Variants in IQCJ observed in about 807,000 individuals in gnomAD.
IQCJ encodes the protein IQ motif containing J, also known as IQ domain-containing protein J.
A neutral mutation model predicts 11.0 loss-of-function variants in IQCJ; 9 were observed. That is an observed-to-expected ratio of 0.82 (90% CI 0.49 to 1.43). The LOEUF is 1.43. Among genes scored for constraint, IQCJ ranks in the 40% most tolerant of loss-of-function variants. The probability of loss-of-function intolerance (pLI) is 0.00; values close to 1 mark genes in which losing one functional copy is unlikely to be tolerated. For synonymous variants in IQCJ, 55 were observed against 51.3 expected, an observed-to-expected ratio of 1.07 and a Z score of -0.31; for missense variants, 146 against 133.2, an observed-to-expected ratio of 1.10 and a Z score of -0.47.
chr3:159,126,605 A>G (rs777390563), intron 1 of IQCJ, among the ~76,000 whole-genome samples: 2 of 152,216 alleles, frequency 1.3e-5, no homozygotes, highest in Non-Finnish European at 2.9e-5. Context: ...AATTTAACTG[A>G]ACTGAATTAA....
intron 1 of IQCJ, among the ~76,000 whole-genome samples, chr3:159,079,194 GC>G (rs1438883010): frequency 6.6e-6 from 1 of 152,098 alleles, no homozygotes; most frequent in Admixed American, 6.6e-5. Flanking sequence ...CATTGTGGGG[GC>G]TTGGGCATTT....
chr3:159,246,679 G>A (rs1394836431), intron 2 of IQCJ, among the ~76,000 whole-genome samples: 1 of 152,104 alleles, frequency 6.6e-6, no homozygotes, highest in Non-Finnish European at 1.5e-5. Flanking sequence ...TATTAGAAGA[G>A]GTCAATTAAA....
At chr3:159,080,430 A>C (rs1280725497) in intron 1 of IQCJ, among the ~76,000 whole-genome samples, 4 of 152,072 alleles carry the variant, frequency 2.6e-5, no homozygotes, top group Non-Finnish European at 5.9e-5. Context: ...CCACCACACT[A>C]GGCTTCACAG....
At chr3:159,265,903 G>T (rs1276934044), downstream of IQCJ, 2 of 153,042 alleles carry the variant, frequency 1.3e-5, no homozygotes, top group Non-Finnish European at 2.9e-5. Context: ...GTTCCTGTGT[G>T]GAGCTGATAA....
intron 1 of IQCJ, among the ~76,000 whole-genome samples, chr3:159,157,889 T>C (rs1339634790): frequency 1.3e-5 from 2 of 152,160 alleles, no homozygotes; most frequent in Non-Finnish European, 2.9e-5. Context: ...CCTTATTCTT[T>C]GTGTAGATCC....
At position 159,077,348 on chromosome 3, in the gene IQCJ, T is replaced by A. The variant is rs373389789; in HGVS notation, c.9+7907T>A. ...TCCCTTTTGACCTATCAATTTTACTTATAAGAATTTTTCTACAGGTGAGCT... is the reference window on the plus strand; with the variant it reads ...TCCCTTTTGACCTATCAATTTTACTAATAAGAATTTTTCTACAGGTGAGCT... On this transcript the variant is annotated intron_variant, in intron 1 of 3. Coordinates refer to ENST00000397832, the MANE Select transcript of IQCJ (RefSeq NM_001042706.3). 4.6e-5 allele frequency among the ~76,000 whole-genome samples: 7 copies of A among 152,300 alleles called. No homozygotes were observed. The East Asian group carries it at 1.4e-3, about 29-fold the overall frequency.
chr3:159,216,640 G>A (rs1329941441), intron 1 of IQCJ, among the ~76,000 whole-genome samples: 6 of 152,120 alleles, frequency 3.9e-5, no homozygotes, highest in East Asian at 3.9e-4. Context: ...TCTGTTCAGC[G>A]GGATATTTTT....
downstream of IQCJ, chr3:159,265,068 A>T (rs1395905531): frequency 1.0e-5 from 6 of 576,160 alleles, no homozygotes. Context: ...AAAAAATAAA[A>T]TATGAAAATA....
chr3:159,205,015 A>G (rs1724566908), intron 1 of IQCJ, among the ~76,000 whole-genome samples: 1 of 152,150 alleles, frequency 6.6e-6, no homozygotes, highest in Non-Finnish European at 1.5e-5. Flanking sequence ...CTGGTCTCAC[A>G]TGTTTGTTTC....
intron 3 of IQCJ, among the ~76,000 whole-genome samples, chr3:159,257,854 T>C (rs1277470322): frequency 6.6e-6 from 1 of 152,114 alleles, no homozygotes; most frequent in Non-Finnish European, 1.5e-5. Context: ...ATTTCTGCCT[T>C]TTGCTGAACC....
intron 1 of IQCJ, among the ~76,000 whole-genome samples, chr3:159,194,993 C>A (rs1723901722): frequency 6.6e-6 from 1 of 152,122 alleles, no homozygotes; most frequent in Non-Finnish European, 1.5e-5. Flanking sequence ...AGCCTGTAAT[C>A]CCAGCTACCC....
chr3:159,178,132 T>C (rs1177589838), intron 1 of IQCJ, among the ~76,000 whole-genome samples: 2 of 152,226 alleles, frequency 1.3e-5, no homozygotes, highest in Non-Finnish European at 2.9e-5. Flanking sequence ...TACCACATAG[T>C]AGAAACTTTT....
rs558785142 is a variant in IQCJ at position 159,252,401 on chromosome 3, A to T, written c.75-326A>T. 3.3e-5 allele frequency among the ~76,000 whole-genome samples: 5 copies of T among 152,202 alleles called. No homozygotes were observed. The South Asian group carries it at 1.0e-3, about 32-fold the overall frequency. On this transcript the variant is annotated intron_variant, in intron 2 of 3. Transcript: ENST00000397832. ...CTAGTTGGCCAGTATCATGGAATTT[A>T]TAACCATATCCTTGTGTTTTTTCTC... is the stretch of plus-strand genomic sequence containing the variant.
intron 1 of IQCJ, among the ~76,000 whole-genome samples, chr3:159,188,170 G>A (rs942679421): frequency 2.6e-5 from 4 of 152,178 alleles, no homozygotes; most frequent in Admixed American, 1.3e-4. Flanking sequence ...CAGCACTTTG[G>A]GAGGTCGAGG....
intron 1 of IQCJ, among the ~76,000 whole-genome samples, chr3:159,233,832 T>G (rs1002582723): frequency 4.6e-5 from 7 of 152,218 alleles, no homozygotes; most frequent in African/African-American, 1.4e-4. Context: ...TATGTTATTT[T>G]AGTTAATCCC....
intron 1 of IQCJ, among the ~76,000 whole-genome samples, chr3:159,129,004 TA>T (rs1360084927): frequency 6.6e-6 from 1 of 152,106 alleles, no homozygotes; most frequent in African/African-American, 2.4e-5. Context: ...TATCCACTGC[TA>T]AAAACAACCA....
Position 159,161,072 on chromosome 3 carries a change from A to G in IQCJ, c.10-84771A>G, listed in dbSNP as rs576154452. Among the ~76,000 whole-genome samples, 5 of 152,262 alleles carry G rather than the reference A, an allele frequency of 3.3e-5. No individual in the cohort carries two copies. The East Asian group carries it at 9.6e-4, about 29-fold the overall frequency. On this transcript the variant is annotated intron_variant, in intron 1 of 3. Transcript: ENST00000397832. ...AGTAATGGGATGGCTAGGTCAAATG[A>G]TATTTCTAGTTCTAGATCCCTGAGG...
chr3:159,246,760 T>C (rs1278101019), intron 2 of IQCJ, among the ~76,000 whole-genome samples: 2 of 152,100 alleles, frequency 1.3e-5, no homozygotes, highest in African/African-American at 4.8e-5. Flanking sequence ...AGAAAAGAAG[T>C]CTCAGAAGAA....
chr3:159,236,290 A>C (rs1000584103), intron 1 of IQCJ, among the ~76,000 whole-genome samples: 3 of 151,522 alleles, frequency 2.0e-5, no homozygotes, highest in Non-Finnish European at 4.4e-5. Flanking sequence ...AAAAAAACCA[A>C]GGAATTTAGT....
Sources: allele counts gnomAD v4.1 joint callset (sites outside exome capture counted in the v4.1 genomes callset), GRCh38; gene constraint gnomAD v4.1.1; transcripts MANE v1.5; gene names NCBI Gene and HGNC (gene_info 2026-07-23, HGNC 2026-07-21).